The following NLRX1 variants were observed in gnomAD, a reference collection of about 807,000 sequenced individuals.
The protein encoded by NLRX1 is NOD-like receptor X1.
A neutral mutation model predicts 74.2 loss-of-function variants in NLRX1; 67 were observed. The ratio of observed to expected loss-of-function variants is 0.90; its 90% CI spans 0.74 to 1.11. The LOEUF (loss-of-function observed/expected upper bound fraction) is 1.11. Among genes scored for constraint, NLRX1 ranks in the 50% least tolerant of loss-of-function variants. NLRX1 has a pLI of 0.00. For missense variants in NLRX1, 1,191 were observed against 1,305.4 expected, an observed-to-expected ratio of 0.91 and a Z score of 1.35; for synonymous variants, 506 against 559.1, an observed-to-expected ratio of 0.91 and a Z score of 1.34.
intron 1 of NLRX1, among the ~76,000 whole-genome samples, chr11:119,170,001 A>G (rs1004537143): frequency 6.8e-4 from 10 of 14,628 alleles, no homozygotes; most frequent in Non-Finnish European, 1.0e-3. Flanking sequence ...CTGTCTCAGG[A>G]AAAAAAAAAA....
In NLRX1 at chr11:119,182,365, C is replaced by G. The variant is rs200074656; in HGVS notation, c.2606+20C>G. The G allele has an allele frequency of 7.6e-5, 121 of 1,601,888 alleles. 1 individual carries two copies. The highest frequency in any genetic ancestry group is 1.9e-5 in the Non-Finnish European group (22 of 1,174,272). ...GCTACAGTGAGTCCTGTCCCTGGTC[C>G]CATTGCCCCCAGCCCTTCAGACTAC... On this transcript the variant is annotated intron_variant, in intron 9 of 9. Transcript: ENST00000409109.
Position 119,173,922 on chromosome 11 carries a change from G to C in NLRX1, c.673G>C (p.Glu225Gln), listed in dbSNP as rs1223053391. The change falls in exon 5 of 10, where the codon GAG becomes CAG. Residue 225 changes from glutamate (E) to glutamine (Q), a missense_variant. Transcript: ENST00000409109. The surrounding 1 kb of genome is among the most constrained non-coding windows in gnomAD (Gnocchi z 4.0). ...LVAQRYTPLK[E>Q]VLPLMAAAGS... ...GGCCCAGCGCTACACGCCCCTGAAG[G>C]AGGTTCTGCCCCTGATGGCTGCTGC... The C allele has an allele frequency of 6.2e-7, 1 of 1,613,774 alleles. No homozygotes were observed. The highest frequency in any genetic ancestry group is 1.1e-5 in the South Asian group (1 of 91,088).
In NLRX1 at chr11:119,175,119, A is replaced by G; in HGVS notation, c.1516A>G (p.Ile506Val). The change falls in exon 6 of 10, where the codon ATT (isoleucine) becomes GTT (valine). Residue 506 changes from isoleucine to valine, a missense_variant. Physicochemically the swap from Ile to Val is conservative, Grantham distance 29. Transcript: ENST00000409109. ...AMQEYLAALY[I>V]VLGLRKTTLQ... ...GCAGGAATACCTGGCTGCCCTCTACATTGTGCTGGGTTTGCGCAAGACGAC... is the reference window on the plus strand; with the variant it reads ...GCAGGAATACCTGGCTGCCCTCTACGTTGTGCTGGGTTTGCGCAAGACGAC... The G allele has an allele frequency of 3.1e-6, 5 of 1,614,112 alleles. No homozygotes were observed. Among genetic ancestry groups the G allele is most frequent in the Non-Finnish European group, 3.4e-6 (4 of 1,180,022 alleles).
Position 119,174,561 on chromosome 11 carries a change from C to T in NLRX1, c.958C>T (p.Leu320Phe). ...CGFSDTNLQK[L>F]YFQLRLNQPY... ...TTTCTCTGATACCAACCTGCAGAAG[C>T]TCTACTTCCAGCTCCGCCTCAACCA... The change falls in exon 6 of 10, where the codon CTC becomes TTC. Residue 320 changes from leucine (L) to phenylalanine (F), a missense_variant. Coordinates refer to ENST00000409109, the MANE Select transcript of NLRX1 (RefSeq NM_001282144.2). The T allele has an allele frequency of 1.2e-6, 2 of 1,614,200 alleles. No individual in the cohort carries two copies. The highest frequency in any genetic ancestry group is 1.7e-6 in the Non-Finnish European group (2 of 1,180,044).
intron 8 of NLRX1, 103 bp from the exon 9 acceptor site, chr11:119,181,991 C>T (rs1948848446): frequency 7.0e-7 from 1 of 1,429,310 alleles, no homozygotes; most frequent in Non-Finnish European, 9.6e-7. Flanking sequence ...AGTCCTGACA[C>T]CCAGCACAGG....
In NLRX1 at chr11:119,175,268, G is replaced by A. The variant is rs1315552042; in HGVS notation, c.1665G>A (p.Leu555=). Residue 555 remains leucine (L), a synonymous_variant, in exon 6 of 10, where the codon CTG becomes CTA. Coordinates refer to ENST00000409109, the MANE Select transcript of NLRX1 (RefSeq NM_001282144.2). ...GGGCTCTGCCTCTGCTCTTCAACCT[G>A]ATCAAGGTAACATCCCGATCAAGGT... ...PLRALPLLFN[L]IKVVPRVFGR... The A allele has an allele frequency of 1.2e-6, 2 of 1,612,438 alleles. No individual in the cohort carries two copies. Among genetic ancestry groups the A allele is most frequent in the Non-Finnish European group, 8.5e-7 (1 of 1,179,022 alleles).
chr11:119,172,737 G>A (rs1305939061), intron 3 of NLRX1, among the ~76,000 whole-genome samples, 164 bp from the exon 4 acceptor site: 1 of 152,180 alleles, frequency 6.6e-6, no homozygotes, highest in Non-Finnish European at 1.5e-5. Context: ...CAGCACCTGG[G>A]AAGGGTGTGA....
At chr11:119,175,947 C>T (rs1948694231) in intron 6 of NLRX1, among the ~76,000 whole-genome samples, 1 of 152,170 alleles carries the variant, frequency 6.6e-6, no homozygotes, top group Non-Finnish European at 1.5e-5. Context: ...CACATTACTC[C>T]TGGAAAGGAA....
intron 7 of NLRX1, 134 bp downstream of exon 7, chr11:119,180,422 G>A (rs1471927427): frequency 4.7e-5 from 35 of 743,096 alleles, no homozygotes; most frequent in Non-Finnish European, 7.0e-5. Flanking sequence ...TCTAGTTTAG[G>A]GGCCGGGAGC....
Position 119,172,437 on chromosome 11 carries a change from G to A in NLRX1, c.140+12G>A. 6.3e-7 allele frequency: 1 copy of A among 1,596,818 alleles called. No homozygotes were observed. The highest frequency in any genetic ancestry group is 8.6e-7 in the Non-Finnish European group (1 of 1,164,306). On this transcript the variant is annotated intron_variant, in intron 3 of 9. Transcript: ENST00000409109. ...TTTGGGCCCCCTAGGTGAGGCCTGG[G>A]TGTCATACCTTAGGACTAGTCTGGG... is the stretch of plus-strand genomic sequence containing the variant.
Position 119,175,067 on chromosome 11 carries a change from C to T in NLRX1, c.1464C>T (p.Gly488=), listed in dbSNP as rs1474727956. 5.0e-6 allele frequency: 8 copies of T among 1,614,028 alleles called. No homozygotes were observed. Among genetic ancestry groups the T allele is most frequent in the Non-Finnish European group, 6.8e-6 (8 of 1,180,040 alleles). ...LAPCVEPGRA[G]TFVFTVPAMQ... is the part of the protein sequence containing the mutation. The stretch of plus-strand genomic sequence containing the variant: ...CATGTGTGGAGCCAGGGCGTGCAGG[C>T]ACCTTCGTGTTCACCGTGCCCGCCA... The change falls in exon 6 of 10, where the codon GGC becomes GGT. Residue 488 remains glycine, a synonymous_variant. Coordinates refer to ENST00000409109, the MANE Select transcript of NLRX1 (RefSeq NM_001282144.2).
At chr11:119,181,094 G>C in intron 7 of NLRX1, 77 bp from the exon 8 acceptor site, 3 of 993,704 alleles carry the variant, frequency 3.0e-6, no homozygotes, top group Non-Finnish European at 3.2e-6. Flanking sequence ...TGAAAAAAAG[G>C]CATGGTAGAT....
At chr11:119,181,342 C>T (rs1328667645) in intron 8 of NLRX1, 85 bp downstream of exon 8, 1 of 1,013,438 alleles carries the variant, frequency 9.9e-7, no homozygotes, top group South Asian at 1.3e-5. Context: ...TGGCACAGAC[C>T]CACCCAAGGG....
chr11:119,173,079 C>T lies in NLRX1; in HGVS notation c.229+90C>T. On this transcript the variant is annotated intron_variant, in intron 4 of 9. Coordinates refer to ENST00000409109, the MANE Select transcript of NLRX1 (RefSeq NM_001282144.2). This position sits in a 1 kb window ranked among gnomAD's most constrained non-coding sequence, Gnocchi z 4.0. ...CAGGGTGAGGGAGGCATAGAGGATC[C>T]ACTGCCATCTTCCATCGGTGGTCCC... is the stretch of plus-strand genomic sequence containing the variant. 1 of 981,606 alleles carries T rather than the reference C, an allele frequency of 1.0e-6. No individual in the cohort carries two copies. Among genetic ancestry groups the T allele is most frequent in the South Asian group, 1.3e-5 (1 of 77,052 alleles). The allele number at this position is 981,606 out of a possible 1,614,324, so 60.8% of individuals were successfully genotyped here.
rs781367265 is a variant in NLRX1 at position 119,180,265 on chromosome 11, C to G, written c.2244C>G (p.Val748=). ...DPAGLRTLLP[V]FLRARKLGLQ... ...CTGGGCTGCGCACACTCCTGCCTGT[C>G]TTCCTGCGTGCCCGGAAGCTGGGGT... Residue 748 remains valine (V), a synonymous_variant, in exon 7 of 10, where the codon GTC becomes GTG. Coordinates refer to ENST00000409109, the MANE Select transcript of NLRX1 (RefSeq NM_001282144.2). 14 of 1,586,620 alleles carry G rather than the reference C, an allele frequency of 8.8e-6. No individual in the cohort carries two copies. The Admixed American group carries it at 1.7e-4, about 19-fold the overall frequency.
At chr11:119,175,926 C>T (rs1948693565) in intron 6 of NLRX1, among the ~76,000 whole-genome samples, 1 of 152,194 alleles carries the variant, frequency 6.6e-6, no homozygotes, top group South Asian at 2.1e-4. Flanking sequence ...AGTGTTCATC[C>T]TTTTGTTTTT....
Position 119,172,364 on chromosome 11 carries a change from A to G in NLRX1, c.79A>G (p.Ile27Val). 6.2e-7 allele frequency: 1 copy of G among 1,613,522 alleles called. No homozygotes were observed. The highest frequency in any genetic ancestry group is 8.5e-7 in the Non-Finnish European group (1 of 1,179,426). ...CTTCCTTCTCTCTGTAGATGATCGT[A>G]TCCCCTTCCTGATCCACTGGAGTTG... The part of the protein sequence containing the change: ...RRALQRPDDR[I>V]PFLIHWSWPL... The change falls in exon 3 of 10, where the codon ATC becomes GTC. Residue 27 changes from isoleucine to valine, a missense_variant. Physicochemically the swap from Ile to Val is conservative, Grantham distance 29. Coordinates refer to ENST00000409109, the MANE Select transcript of NLRX1 (RefSeq NM_001282144.2).
chr11:119,180,742 G>A (rs1206492864), intron 7 of NLRX1, among the ~76,000 whole-genome samples: 2 of 150,446 alleles, frequency 1.3e-5, no homozygotes, highest in African/African-American at 2.4e-5. Flanking sequence ...GAGGTGACAG[G>A]AGCAACAGAA....
rs567372721 is a variant in NLRX1 at position 119,173,208 on chromosome 11, C to T, written c.229+219C>T. On this transcript the variant is annotated intron_variant, in intron 4 of 9. Transcript: ENST00000409109. This position sits in a 1 kb window ranked among gnomAD's most constrained non-coding sequence, Gnocchi z 4.0. ...AAAGCGCTAGGAGAGCCATACCATC[C>T]CTATGCTCAACAAAGTTGGGTCAAG... The T allele has an allele frequency of 1.6e-6, 1 of 613,248 alleles. No individual in the cohort carries two copies. Among genetic ancestry groups the T allele is most frequent in the African/African-American group, 1.8e-5 (1 of 54,226 alleles). 38.0% of individuals were successfully genotyped at this position (613,248 alleles called of 1,614,324 possible).
Sources: allele counts gnomAD v4.1 joint callset (sites outside exome capture counted in the v4.1 genomes callset), GRCh38; gene constraint gnomAD v4.1.1; non-coding constraint Gnocchi (gnomAD v3.1); transcripts MANE v1.5; gene names NCBI Gene and HGNC (gene_info 2026-07-23, HGNC 2026-07-21).